The following SLCO3A1 variants were observed in gnomAD, a reference collection of about 807,000 sequenced individuals.
The protein encoded by SLCO3A1 is solute carrier organic anion transporter family member 3A1, also known as PGE1 transporter.
In SLCO3A1, 27 loss-of-function variants were observed where a neutral mutation model predicts 63.1. The observed-to-expected ratio is 0.43, with a 90% CI of 0.32 to 0.59. SLCO3A1 has a LOEUF of 0.59. SLCO3A1 is among the 20% of genes least tolerant of loss of function. The pLI, the probability that SLCO3A1 is intolerant of heterozygous loss-of-function variation, is 0.09. For missense variants in SLCO3A1, 773 were observed against 945.8 expected (o/e 0.82, Z 2.40); for synonymous variants, 473 against 409.9 (o/e 1.15, Z -1.86).
intron 1 of SLCO3A1, among the ~76,000 whole-genome samples, chr15:91,911,934 A>G (rs1437937647): frequency 1.3e-5 from 2 of 151,556 alleles, no homozygotes; most frequent in African/African-American, 2.4e-5. Flanking sequence ...CGGGACATCT[A>G]TATTTTTAAC....
rs192979810 is a variant in SLCO3A1 at position 91,912,223 on chromosome 15, C to T, written c.181-3770C>T. Reference sequence around the variant, plus strand: ...GTTGTTCACTGCCACATAAAGGCTACAAGTGGGTTTTATGGCCTCATGCAT... The same window carrying T: ...GTTGTTCACTGCCACATAAAGGCTATAAGTGGGTTTTATGGCCTCATGCAT... On this transcript the variant is annotated intron_variant, in intron 1 of 9. Transcript: ENST00000318445. This position sits in a 1 kb window ranked among gnomAD's most constrained non-coding sequence, Gnocchi z 5.0. Among the ~76,000 whole-genome samples, 17 of 152,316 alleles carry T rather than the reference C, an allele frequency of 1.1e-4. No homozygotes were observed. Among genetic ancestry groups the T allele is most frequent in the African/African-American group, 3.8e-4 (16 of 41,578 alleles).
chr15:91,963,181 G>T (rs1318801818), intron 2 of SLCO3A1, among the ~76,000 whole-genome samples: 1 of 152,088 alleles, frequency 6.6e-6, no homozygotes, highest in East Asian at 1.9e-4. Context: ...TTGTTATCTT[G>T]TCGTGCTTCG....
rs143532258 is a variant in SLCO3A1, at chr15:92,105,830, G to T, written c.1009+1288G>T. On this transcript the variant is annotated intron_variant, in intron 4 of 9. Transcript: ENST00000318445. ...CTCAGCCGGGCCAGCCTTCCACAGC[G>T]GCAGATGCAGTCCTCCTGTGCTTTA... Among the ~76,000 whole-genome samples, 1,014 of 152,324 alleles carry T rather than the reference G, an allele frequency of 6.7e-3. 36 individuals are homozygous for T. Among genetic ancestry groups the T allele is most frequent in the Admixed American group, 0.06 (913 of 15,304 alleles).
In SLCO3A1 at chr15:91,882,756, A is replaced by T. The variant is rs1393585927; in HGVS notation, c.180+28668A>T. 1.3e-5 allele frequency among the ~76,000 whole-genome samples: 2 copies of T among 152,180 alleles called. No individual in the cohort carries two copies. Among genetic ancestry groups the T allele is most frequent in the Non-Finnish European group, 2.9e-5 (2 of 68,034 alleles). On this transcript the variant is annotated intron_variant, in intron 1 of 9. Transcript: ENST00000318445. This position sits in a 1 kb window ranked among gnomAD's most constrained non-coding sequence, Gnocchi z 4.4. ...AGGCTGGTCTCGAACTCCTGACCTC[A>T]GGTCATCTGCCCATCTCGGCCTTCC...
chr15:91,916,533 T>A lies in SLCO3A1; in HGVS notation c.646+75T>A. ...TGGATAAAAGGTGGCCTGGTGGACT[T>A]TGATTTTGCCAGAGTACTGGTTCTC... On this transcript the variant is annotated intron_variant, in intron 2 of 9. Coordinates refer to ENST00000318445, the MANE Select transcript of SLCO3A1 (RefSeq NM_013272.4). The surrounding 1 kb of genome is among the most constrained non-coding windows in gnomAD (Gnocchi z 6.2). The A allele has an allele frequency of 1.7e-6, 2 of 1,157,082 alleles. No individual in the cohort carries two copies. Among genetic ancestry groups the A allele is most frequent in the Non-Finnish European group, 2.4e-6 (2 of 820,536 alleles). 71.7% of individuals were successfully genotyped at this position (1,157,082 alleles called of 1,614,324 possible). A position where few individuals can be genotyped will look rare whatever the true frequency, so the allele number is the denominator to read the frequency against.
At chr15:92,144,702 T>C (rs1263003422) in intron 7 of SLCO3A1, among the ~76,000 whole-genome samples, 1 of 152,254 alleles carries the variant, frequency 6.6e-6, no homozygotes, top group Non-Finnish European at 1.5e-5. Flanking sequence ...CCAGGTTTCC[T>C]TCTTGTCCAG....
At chr15:92,030,788 G>T (rs1356888311) in intron 2 of SLCO3A1, among the ~76,000 whole-genome samples, 1 of 152,102 alleles carries the variant, frequency 6.6e-6, no homozygotes, top group Non-Finnish European at 1.5e-5. Context: ...GTACCTCTTA[G>T]CGCTCGCATT....
rs1896921236 is a variant in SLCO3A1 at position 91,856,380 on chromosome 15, T to C, written c.180+2292T>C. 2.0e-5 allele frequency among the ~76,000 whole-genome samples: 3 copies of C among 152,192 alleles called. No homozygotes were observed. Among genetic ancestry groups the C allele is most frequent in the African/African-American group, 7.2e-5 (3 of 41,458 alleles). Reference sequence around the variant, plus strand: ...GGCTGCCCTCGTCTTTGCCTTGCCATCGGAGCCTCATGAAAATAAATAGTT... The same window carrying C: ...GGCTGCCCTCGTCTTTGCCTTGCCACCGGAGCCTCATGAAAATAAATAGTT... On this transcript the variant is annotated intron_variant, in intron 1 of 9. Coordinates refer to ENST00000318445, the MANE Select transcript of SLCO3A1 (RefSeq NM_013272.4). The surrounding 1 kb of genome is among the most constrained non-coding windows in gnomAD (Gnocchi z 4.9).
rs76355062 is a variant in SLCO3A1 at position 92,004,989 on chromosome 15, C to A, written c.646+88531C>A. 3.1e-3 allele frequency among the ~76,000 whole-genome samples: 479 copies of A among 152,298 alleles called. 2 individuals carry two copies. The highest frequency in any genetic ancestry group is 0.011 in the African/African-American group (461 of 41,560). On this transcript the variant is annotated intron_variant, in intron 2 of 9. Coordinates refer to ENST00000318445, the MANE Select transcript of SLCO3A1 (RefSeq NM_013272.4). The stretch of plus-strand genomic sequence containing the variant: ...ACTCTTTTAAAGCCTCTGAAACTCT[C>A]TTATTGAACCCTAATAAATATCAGT...
Position 91,948,723 on chromosome 15 carries a change from A to C in SLCO3A1, c.646+32265A>C, listed in dbSNP as rs566141521. 1.3e-5 allele frequency among the ~76,000 whole-genome samples: 2 copies of C among 152,316 alleles called. No homozygotes were observed. ...CCAAGGAATAGGAGAGCCATGGCAC[A>C]GGAAGTGGAAAGTCAGTCTGGGATG... On this transcript the variant is annotated intron_variant, in intron 2 of 9. Transcript: ENST00000318445. This position sits in a 1 kb window ranked among gnomAD's most constrained non-coding sequence, Gnocchi z 4.8.
At chr15:91,889,273 A>G (rs1288917051) in intron 1 of SLCO3A1, 1 of 658,630 alleles carries the variant, frequency 1.5e-6, no homozygotes, top group African/African-American at 1.9e-5. Context: ...TGCATTTGCA[A>G]CACTTTATGG....
In SLCO3A1 at chr15:91,880,401, C is replaced by CTGTGTGTG. The variant is rs796110200; in HGVS notation, c.180+26314_180+26315insGTGTGTGT. ...CGTGCTTCTCTCTCTCTCTCTCTCTCTCTCTCTCTGTGTGTGTGTGTGTGT... is the reference window on the plus strand; with the variant it reads ...CGTGCTTCTCTCTCTCTCTCTCTCTCTGTGTGTGTCTCTCTCTGTGTGTGTGTGTGTGT... On this transcript the variant is annotated intron_variant, in intron 1 of 9. Coordinates refer to ENST00000318445, the MANE Select transcript of SLCO3A1 (RefSeq NM_013272.4). 1.4e-3 allele frequency among the ~76,000 whole-genome samples: 187 copies of CTGTGTGTG among 133,472 alleles called. 1 individual carries two copies. The highest frequency in any genetic ancestry group is 3.1e-3 in the South Asian group (12 of 3,826). The allele number at this position is 133,472 out of a possible 152,430, so 87.6% of individuals were successfully genotyped here.
At chr15:92,055,765 T>C (rs1348854944) in intron 2 of SLCO3A1, among the ~76,000 whole-genome samples, 2 of 152,162 alleles carry the variant, frequency 1.3e-5, no homozygotes, top group Non-Finnish European at 2.9e-5. Flanking sequence ...CCCGCCATCT[T>C]GAATCGAGGT....
intron 4 of SLCO3A1, among the ~76,000 whole-genome samples, chr15:92,119,684 G>T (rs975839017): frequency 2.0e-5 from 3 of 152,184 alleles, no homozygotes; most frequent in African/African-American, 7.2e-5. Context: ...TAGGGGGTGT[G>T]ATCAGATCAC....
At position 92,163,191 on chromosome 15, in the gene SLCO3A1, AAAAAAG is replaced by A. The variant is rs1489422935; in HGVS notation, c.*62_*67del. Reference sequence around the variant, plus strand: ...TAATCCAAGGGTCATTTTTTTCTTAAAAAAAGAAAAAAAGGTTCCAAAAAAAACCAA... The same window carrying A: ...TAATCCAAGGGTCATTTTTTTCTTAAAAAAAAAGGTTCCAAAAAAAACCAA... On this transcript the variant is annotated 3_prime_UTR_variant, in exon 10 of 10. Coordinates refer to ENST00000318445, the MANE Select transcript of SLCO3A1 (RefSeq NM_013272.4). 2.1e-6 allele frequency: 3 copies of A among 1,431,880 alleles called. No individual in the cohort carries two copies. The highest frequency in any genetic ancestry group is 2.7e-6 in the Non-Finnish European group (3 of 1,098,550). 88.7% of individuals were successfully genotyped at this position (1,431,880 alleles called of 1,614,324 possible).
In SLCO3A1 at chr15:91,950,201, C is replaced by T. The variant is rs2151409948; in HGVS notation, c.646+33743C>T. ...AAGCAGCTGGAATGAGGTAGGGAGGCCTGATGGTATGGAGTCTGCATGCTC... is the reference window on the plus strand; with the variant it reads ...AAGCAGCTGGAATGAGGTAGGGAGGTCTGATGGTATGGAGTCTGCATGCTC... On this transcript the variant is annotated intron_variant, in intron 2 of 9. Transcript: ENST00000318445. This position sits in a 1 kb window ranked among gnomAD's most constrained non-coding sequence, Gnocchi z 4.4. Among the ~76,000 whole-genome samples, 1 of 152,256 alleles carries T rather than the reference C, an allele frequency of 6.6e-6. No homozygotes were observed. Among genetic ancestry groups the T allele is most frequent in the East Asian group, 1.9e-4 (1 of 5,184 alleles).
intron 7 of SLCO3A1, among the ~76,000 whole-genome samples, chr15:92,134,438 G>T (rs778886480): frequency 1.4e-4 from 22 of 152,178 alleles, no homozygotes; most frequent in Admixed American, 6.5e-4. Context: ...TATAAAATGA[G>T]ATGTCATATT....
chr15:91,921,658 T>A (rs1416682422), intron 2 of SLCO3A1, among the ~76,000 whole-genome samples: 1 of 152,164 alleles, frequency 6.6e-6, no homozygotes, highest in Non-Finnish European at 1.5e-5. Flanking sequence ...TCATGGTAAC[T>A]ATCACACAGT....
intron 1 of SLCO3A1, among the ~76,000 whole-genome samples, chr15:91,892,163 CA>C: frequency 6.6e-6 from 1 of 152,284 alleles, no homozygotes; most frequent in South Asian, 2.1e-4. Context: ...TACCACTTTG[CA>C]AATGAGGAAA....
Sources: gnomAD v4.1 joint callset for allele counts (sites outside exome capture counted in the v4.1 genomes callset) on GRCh38, gnomAD v4.1.1 for gene constraint, Gnocchi (gnomAD v3.1) non-coding constraint, MANE v1.5 for transcripts, NCBI Gene and HGNC (gene_info 2026-07-23, HGNC 2026-07-21) for gene names.